Variants in NKAIN2 observed in about 807,000 individuals in gnomAD.
The protein encoded by NKAIN2 is sodium/potassium transporting ATPase interacting 2, also known as sodium/potassium-transporting ATPase subunit beta-1-interacting protein 2.
A neutral mutation model predicts 32.6 loss-of-function variants in NKAIN2; 14 were observed. That is an observed-to-expected ratio of 0.43 (90% CI 0.28 to 0.67). NKAIN2 has a LOEUF of 0.67. Among genes scored for constraint, NKAIN2 ranks in the 30% least tolerant of loss-of-function variants. The pLI is 0.17. For synonymous variants in NKAIN2, 80 were observed against 87.2 expected, an observed-to-expected ratio of 0.92 and a Z score of 0.46; for missense variants, 198 against 258.3, an observed-to-expected ratio of 0.77 and a Z score of 1.60.
chr6:123,863,031 T>C (rs1466620370), intron 1 of NKAIN2, among the ~76,000 whole-genome samples: 1 of 152,176 alleles, frequency 6.6e-6, no homozygotes, highest in Non-Finnish European at 1.5e-5. Context: ...ATTAGACCTG[T>C]AGGATTCTCT....
At chr6:124,384,802 A>G (rs914345165) in intron 3 of NKAIN2, among the ~76,000 whole-genome samples, 2 of 151,828 alleles carry the variant, frequency 1.3e-5, no homozygotes, top group Non-Finnish European at 1.5e-5. Context: ...TAGTTCTTGT[A>G]TTTTTTTGCG....
At chr6:124,291,472 C>T (rs535110108) in intron 2 of NKAIN2, among the ~76,000 whole-genome samples, 2 of 152,088 alleles carry the variant, frequency 1.3e-5, no homozygotes, top group South Asian at 4.2e-4. Context: ...TTCCTTCATC[C>T]TCTGTCTCTA....
intron 1 of NKAIN2, among the ~76,000 whole-genome samples, chr6:124,185,697 C>T (rs1789683654): frequency 6.6e-6 from 1 of 152,134 alleles, no homozygotes; most frequent in Non-Finnish European, 1.5e-5. Context: ...TTTATTCACA[C>T]TAAGTGAAAG....
intron 1 of NKAIN2, among the ~76,000 whole-genome samples, chr6:123,858,079 A>G (rs1775627610): frequency 6.6e-6 from 1 of 152,106 alleles, no homozygotes; most frequent in Admixed American, 6.6e-5. Flanking sequence ...ATATTTTCAC[A>G]TACTATGTGT....
chr6:123,997,800 T>C (rs971383947), intron 1 of NKAIN2, among the ~76,000 whole-genome samples: 11 of 152,054 alleles, frequency 7.2e-5, no homozygotes, highest in African/African-American at 2.7e-4. Flanking sequence ...AGGCAGGGTT[T>C]CACCGTGTTA....
intron 4 of NKAIN2, among the ~76,000 whole-genome samples, chr6:124,785,029 G>A (rs1779436656): frequency 6.6e-6 from 1 of 152,026 alleles, no homozygotes; most frequent in Non-Finnish European, 1.5e-5. Context: ...CTTTTTCAGT[G>A]CTGACCTACT....
chr6:124,139,065 T>G (rs1263400667), intron 1 of NKAIN2, among the ~76,000 whole-genome samples: 1 of 142,070 alleles, frequency 7.0e-6, no homozygotes, highest in Admixed American at 7.5e-5. Flanking sequence ...CCCCAAAAAC[T>G]TTTTTAAATA....
At chr6:124,468,600 A>C (rs959242606) in intron 3 of NKAIN2, among the ~76,000 whole-genome samples, 1 of 152,210 alleles carries the variant, frequency 6.6e-6, no homozygotes, top group Non-Finnish European at 1.5e-5. Context: ...CATAGGATGC[A>C]CATATATTTA....
At chr6:124,058,071 TAGAG>T (rs751325889) in intron 1 of NKAIN2, among the ~76,000 whole-genome samples, 18 of 152,086 alleles carry the variant, frequency 1.2e-4, no homozygotes, top group Admixed American at 2.0e-4. Context: ...AGCTAGTACT[TAGAG>T]AGAAAACAGG....
chr6:124,123,035 A>G (rs1785964326), intron 1 of NKAIN2, among the ~76,000 whole-genome samples: 1 of 152,142 alleles, frequency 6.6e-6, no homozygotes, highest in African/African-American at 2.4e-5. Context: ...TTTAATCTCT[A>G]TTGTGATAAG....
intron 1 of NKAIN2, among the ~76,000 whole-genome samples, chr6:123,827,128 A>T (rs1269994938): frequency 6.6e-6 from 1 of 152,160 alleles, no homozygotes; most frequent in East Asian, 1.9e-4. Context: ...GTTATTGGCC[A>T]TTAATCTATC....
intron 1 of NKAIN2, among the ~76,000 whole-genome samples, chr6:123,932,684 T>G (rs1463861924): frequency 3.3e-5 from 5 of 151,970 alleles, no homozygotes; most frequent in African/African-American, 1.2e-4. Context: ...CCCAAAGTGC[T>G]GGGATTACAG....
rs868857311 is a variant in NKAIN2, at chr6:124,481,593, A to G, written c.273+126246A>G. ...ATCTTTTACACAGACTTTTATCAAC[A>G]TTGGAATTTAGATGCAAAGTGTTTC... On this transcript the variant is annotated intron_variant, in intron 3 of 6. Transcript: ENST00000368417. Among the ~76,000 whole-genome samples, 25 of 152,266 alleles carry G rather than the reference A, an allele frequency of 1.6e-4. No individual in the cohort carries two copies. The South Asian group carries it at 5.0e-3, about 30-fold the overall frequency.
chr6:124,133,682 CAG>C (rs1157700259), intron 1 of NKAIN2, among the ~76,000 whole-genome samples: 5 of 152,106 alleles, frequency 3.3e-5, no homozygotes, highest in Non-Finnish European at 7.4e-5. Context: ...CCATAGGAGA[CAG>C]TGAACTTACC....
At chr6:124,679,184 A>T (rs1199455531) in intron 4 of NKAIN2, among the ~76,000 whole-genome samples, 1 of 151,800 alleles carries the variant, frequency 6.6e-6, no homozygotes, top group Admixed American at 6.6e-5. Context: ...AACACATTTC[A>T]ACTCTTTCCC....
intron 1 of NKAIN2, among the ~76,000 whole-genome samples, chr6:124,041,054 G>C (rs1162482158): frequency 6.6e-6 from 1 of 151,944 alleles, no homozygotes; most frequent in Non-Finnish European, 1.5e-5. Context: ...TCAGAAATTG[G>C]GAGAGTAATT....
chr6:124,701,047 GCTT>G (rs1207535340), intron 4 of NKAIN2, among the ~76,000 whole-genome samples: 4 of 150,606 alleles, frequency 2.7e-5, no homozygotes, highest in African/African-American at 9.8e-5. Flanking sequence ...CCAAAACTAA[GCTT>G]ATTATAAAAT....
chr6:124,282,880 A>C (rs979597785), intron 1 of NKAIN2, 125 bp from the exon 2 acceptor site: 31 of 804,078 alleles, frequency 3.9e-5, no homozygotes, highest in Non-Finnish European at 6.1e-5. Flanking sequence ...AGTTAAAGAC[A>C]AATGCCAGAT....
At chr6:124,144,784 G>A (rs2093502) in intron 1 of NKAIN2, among the ~76,000 whole-genome samples, 147,291 of 152,218 alleles carry the variant, frequency 0.97, 71,277 homozygotes, top group East Asian at 1. Flanking sequence ...GATAAATTGG[G>A]CCTAATTAAA....
Sources: allele counts gnomAD v4.1 joint callset (sites outside exome capture counted in the v4.1 genomes callset), GRCh38; gene constraint gnomAD v4.1.1; transcripts MANE v1.5; gene names NCBI Gene and HGNC (gene_info 2026-07-23, HGNC 2026-07-21).